Variants in ESS2 observed in about 807,000 individuals in gnomAD.
The protein encoded by ESS2 is ess-2 spliceosome associated protein.
ESS2 carries 31 observed loss-of-function variants against 52.0 expected under a neutral mutation model. The ratio of observed to expected loss-of-function variants is 0.60; its 90% CI spans 0.45 to 0.81. ESS2 has a LOEUF of 0.81. Among genes scored for constraint, ESS2 ranks in the 30% least tolerant of loss-of-function variants. The pLI is 0.00. For synonymous variants in ESS2, 285 were observed against 259.2 expected, an observed-to-expected ratio of 1.10 and a Z score of -0.95; for missense variants, 602 against 637.2, an observed-to-expected ratio of 0.94 and a Z score of 0.59.
intron 9 of ESS2, 30 bp downstream of exon 9, chr22:19,135,030 C>T (rs1038710564): frequency 1.2e-6 from 2 of 1,600,370 alleles, no homozygotes; most frequent in African/African-American, 2.7e-5. Context: ...GCCACCCTCG[C>T]ACTTCCCCAC....
chr22:19,135,029 G>A lies in ESS2; in HGVS notation c.1151+31C>T, dbSNP rs747175939. On this transcript the variant is annotated intron_variant, in intron 9 of 9. Coordinates refer to ENST00000252137, the MANE Select transcript of ESS2 (RefSeq NM_022719.3). ...ACAGGAGCAGGCCAGAGCCACCCTC[G>A]CACTTCCCCACCAGCCAGGCGGCCC... is the stretch of plus-strand genomic sequence containing the variant. 24 of 1,596,246 alleles carry A rather than the reference G, an allele frequency of 1.5e-5. No homozygotes were observed. In the East Asian group the frequency reaches 1.6e-4, roughly 10 times the overall value.
chr22:19,139,381 C>T, intron 5 of ESS2, 89 bp from the exon 6 acceptor site: 1 of 1,490,978 alleles, frequency 6.7e-7, no homozygotes, highest in Non-Finnish European at 8.9e-7. Flanking sequence ...AAGTCACTCC[C>T]AGATGAACAA....
chr22:19,138,543 C>T (rs2083626489), intron 6 of ESS2: 3 of 653,928 alleles, frequency 4.6e-6, no homozygotes, highest in Non-Finnish European at 5.6e-6. Flanking sequence ...AAGGAAAGCC[C>T]CCTCCTCCCA....
At position 19,132,508 on chromosome 22, in the gene ESS2, G is replaced by T. The variant is rs750317045; in HGVS notation, c.*1688C>A. On this transcript the variant is annotated 3_prime_UTR_variant, in exon 10 of 10. Coordinates refer to ENST00000252137, the MANE Select transcript of ESS2 (RefSeq NM_022719.3). The surrounding 1 kb of genome is among the most constrained non-coding windows in gnomAD (Gnocchi z 4.2). ...AATGGCCCCGTTGTGTGTGGTGGGGGTCGGGGTTGGGGGGCATGGTGCAGT... is the reference window on the plus strand; with the variant it reads ...AATGGCCCCGTTGTGTGTGGTGGGGTTCGGGGTTGGGGGGCATGGTGCAGT... 2 of 1,571,710 alleles carry T rather than the reference G, an allele frequency of 1.3e-6. No individual in the cohort carries two copies. The highest frequency in any genetic ancestry group is 1.2e-5 in the South Asian group (1 of 84,906).
At chr22:19,143,674 G>T (rs1236582570) in intron 1 of ESS2, among the ~76,000 whole-genome samples, 5 of 151,738 alleles carry the variant, frequency 3.3e-5, no homozygotes, top group Non-Finnish European at 5.9e-5. Flanking sequence ...TGGCCAACAT[G>T]GTGAAACCCC....
At position 19,134,109 on chromosome 22, in the gene ESS2, G is replaced by A. The variant is rs2083537563; in HGVS notation, c.*87C>T. The A allele has an allele frequency of 1.4e-6, 2 of 1,379,488 alleles. No individual in the cohort carries two copies. Among genetic ancestry groups the A allele is most frequent in the Non-Finnish European group, 9.4e-7 (1 of 1,062,864 alleles). 85.5% of individuals were successfully genotyped at this position (1,379,488 alleles called of 1,614,324 possible). On this transcript the variant is annotated 3_prime_UTR_variant, in exon 10 of 10. Transcript: ENST00000252137. ...TCAACAGCTTCTGGCCCAGGCCTGG[G>A]CCCCGAGAAGGCTGGAGTCCTCTGC...
Position 19,132,721 on chromosome 22 carries a change from G to A in ESS2, c.*1475C>T, listed in dbSNP as rs1601339165. The A allele has an allele frequency of 2.0e-6, 1 of 507,960 alleles. No homozygotes were observed. The highest frequency in any genetic ancestry group is 1.9e-5 in the African/African-American group (1 of 51,988). The allele number at this position is 507,960 out of a possible 1,614,324, so 31.5% of individuals were successfully genotyped here. ...GCAAGCATCAAGAGTGCCCAGTGAG[G>A]AGTGTTTTTCTCTGGGACTCAGCCA... On this transcript the variant is annotated 3_prime_UTR_variant, in exon 10 of 10. Transcript: ENST00000252137. The surrounding 1 kb of genome is among the most constrained non-coding windows in gnomAD (Gnocchi z 4.2).
In ESS2 at chr22:19,134,388, G is replaced by A; in HGVS notation, c.1239C>T (p.Ala413=). 6.2e-7 allele frequency: 1 copy of A among 1,611,666 alleles called. No homozygotes were observed. The highest frequency in any genetic ancestry group is 8.5e-7 in the Non-Finnish European group (1 of 1,179,080). The change falls in exon 10 of 10, where the codon GCC becomes GCT. Residue 413 remains alanine, a synonymous_variant. Transcript: ENST00000252137. ...SRTASKYTDR[A]LRASYTPSPA... ...GGGATGGTGTGTAGCTGGCCCGCAG[G>A]GCCCGGTCTGTGTACTTGCTGGCCG...
At chr22:19,140,053 C>T (rs779790064) in intron 3 of ESS2, 29 bp from the exon 4 acceptor site, 5 of 1,610,752 alleles carry the variant, frequency 3.1e-6, no homozygotes, top group Admixed American at 1.7e-5. Flanking sequence ...AGGAGGAACA[C>T]AGCACCCTTT....
At position 19,142,724 on chromosome 22, in the gene ESS2, A is replaced by G. The variant is rs1402985320; in HGVS notation, c.304+2T>C. 1 of 1,613,524 alleles carries G rather than the reference A, an allele frequency of 6.2e-7. No individual in the cohort carries two copies. Among genetic ancestry groups the G allele is most frequent in the Non-Finnish European group, 8.5e-7 (1 of 1,179,690 alleles). On this transcript the variant is annotated splice_donor_variant, in intron 2 of 9. Transcript: ENST00000252137. LOFTEE classifies it high-confidence loss of function. ...TCTCCGCCACCCACAGGGTCCTCATACAGGGTGGCGGGGGCTCCCGGGACA... is the reference window on the plus strand; with the variant it reads ...TCTCCGCCACCCACAGGGTCCTCATGCAGGGTGGCGGGGGCTCCCGGGACA...
chr22:19,142,234 G>C (rs2083699462), intron 3 of ESS2, among the ~76,000 whole-genome samples: 1 of 152,194 alleles, frequency 6.6e-6, no homozygotes, highest in Non-Finnish European at 1.5e-5. Flanking sequence ...GCATCTTCAG[G>C]ATAGTAACAA....
rs1327624881 is a variant in ESS2 at position 19,131,033 on chromosome 22, C to G, written c.*3163G>C. 4.1e-6 allele frequency: 1 copy of G among 243,240 alleles called. No homozygotes were observed. The highest frequency in any genetic ancestry group is 8.1e-6 in the Non-Finnish European group (1 of 123,512). 15.1% of individuals were successfully genotyped at this position (243,240 alleles called of 1,614,324 possible). A position where few individuals can be genotyped will look rare whatever the true frequency, so the allele number is the denominator to read the frequency against. ...TGATGCAAACAGGCTGGACGTGGGC[C>G]GCCTCCCCTCCAGCTTGACTTGTGA... On this transcript the variant is annotated 3_prime_UTR_variant, in exon 10 of 10. Transcript: ENST00000252137. The surrounding 1 kb of genome is among the most constrained non-coding windows in gnomAD (Gnocchi z 5.7).
Position 19,131,933 on chromosome 22 carries a change from G to A in ESS2, c.*2263C>T, listed in dbSNP as rs757991278. ...TCCTCAGCAAGACCTTCTGCGGGTC[G>A]GCAGCATATGCAGCCCCCGAGGTGC... On this transcript the variant is annotated 3_prime_UTR_variant, in exon 10 of 10. Transcript: ENST00000252137. The surrounding 1 kb of genome is among the most constrained non-coding windows in gnomAD (Gnocchi z 5.7). 2.3e-5 allele frequency: 37 copies of A among 1,613,974 alleles called. No homozygotes were observed. Among genetic ancestry groups the A allele is most frequent in the Middle Eastern group, 1.6e-4 (1 of 6,084 alleles).
Position 19,131,428 on chromosome 22 carries a change from A to C in ESS2, c.*2768T>G. 1.2e-6 allele frequency: 2 copies of C among 1,612,126 alleles called. No individual in the cohort carries two copies. The highest frequency in any genetic ancestry group is 1.7e-6 in the Non-Finnish European group (2 of 1,178,768). On this transcript the variant is annotated 3_prime_UTR_variant, in exon 10 of 10. Coordinates refer to ENST00000252137, the MANE Select transcript of ESS2 (RefSeq NM_022719.3). The surrounding 1 kb of genome is among the most constrained non-coding windows in gnomAD (Gnocchi z 5.7). Reference sequence around the variant, plus strand: ...GACGATGCCACAGTCCTAAGGAAGAAGGGTTACATCGTAGGCATCAATCTT... The same window carrying C: ...GACGATGCCACAGTCCTAAGGAAGACGGGTTACATCGTAGGCATCAATCTT...
chr22:19,142,940 C>A, intron 1 of ESS2, 46 bp from the exon 2 acceptor site: 1 of 1,571,880 alleles, frequency 6.4e-7, no homozygotes, highest in Non-Finnish European at 8.6e-7. Flanking sequence ...GGCGCGGTGG[C>A]TCACACCTGT....
At position 19,132,095 on chromosome 22, in the gene ESS2, T is replaced by G. The variant is rs150384247; in HGVS notation, c.*2101A>C. 3.1e-5 allele frequency: 50 copies of G among 1,613,082 alleles called. No individual in the cohort carries two copies. In the African/African-American group the frequency reaches 6.4e-4, roughly 21 times the overall value. On this transcript the variant is annotated 3_prime_UTR_variant, in exon 10 of 10. Coordinates refer to ENST00000252137, the MANE Select transcript of ESS2 (RefSeq NM_022719.3). The surrounding 1 kb of genome is among the most constrained non-coding windows in gnomAD (Gnocchi z 4.2). Reference sequence around the variant, plus strand: ...TGCTGCGTATCCAGAAGGAGCACCGTGTGGACTTCCCGCGCTCCAAGAACC... The same window carrying G: ...TGCTGCGTATCCAGAAGGAGCACCGGGTGGACTTCCCGCGCTCCAAGAACC...
Position 19,134,292 on chromosome 22 carries a change from G to A in ESS2, c.1335C>T (p.Gly445=). The part of the protein sequence containing the change: ...LQTPTSTPAP[G]SATRTPLTQD... ...GTGTGAGAGGGGTGCGTGTGGCAGA[G>A]CCAGGCGCCGGTGTGCTTGTGGGGG... The change falls in exon 10 of 10, where the codon GGC becomes GGT. Residue 445 remains glycine (G), a synonymous_variant. Coordinates refer to ENST00000252137, the MANE Select transcript of ESS2 (RefSeq NM_022719.3). 1 of 1,600,264 alleles carries A rather than the reference G, an allele frequency of 6.2e-7. No individual in the cohort carries two copies. Among genetic ancestry groups the A allele is most frequent in the South Asian group, 1.1e-5 (1 of 89,974 alleles).
chr22:19,131,657 C>A lies in ESS2; in HGVS notation c.*2539G>T, dbSNP rs1409775071. 1 of 1,614,166 alleles carries A rather than the reference C, an allele frequency of 6.2e-7. No individual in the cohort carries two copies. Among genetic ancestry groups the A allele is most frequent in the Non-Finnish European group, 8.5e-7 (1 of 1,180,030 alleles). On this transcript the variant is annotated 3_prime_UTR_variant, in exon 10 of 10. Transcript: ENST00000252137. The surrounding 1 kb of genome is among the most constrained non-coding windows in gnomAD (Gnocchi z 5.7). ...TCTTTGAGACCTCTGACGGACGGAT[C>A]TACATCATCATGGAGCTTGGCGTCC...
intron 1 of ESS2, 83 bp downstream of exon 1, chr22:19,144,423 C>G: frequency 1.3e-6 from 2 of 1,595,434 alleles, no homozygotes; most frequent in Middle Eastern, 3.3e-4. Context: ...GACGGAGTGT[C>G]AACACCCGAG....
Sources: gnomAD v4.1 joint callset for allele counts (sites outside exome capture counted in the v4.1 genomes callset) on GRCh38, gnomAD v4.1.1 for gene constraint, Gnocchi (gnomAD v3.1) non-coding constraint, MANE v1.5 for transcripts, NCBI Gene and HGNC (gene_info 2026-07-23, HGNC 2026-07-21) for gene names.